Variants in P2RY12 observed in about 807,000 individuals in gnomAD.
P2RY12 encodes the protein purinergic receptor P2Y12, also known as P2Y purinoceptor 12.
Under a neutral mutation model 4.5 loss-of-function variants are expected in P2RY12, and 3 were observed. The ratio of observed to expected loss-of-function variants is 0.67; its 90% CI spans 0.31 to 1.74. P2RY12 has a LOEUF of 1.74. P2RY12 is among the 40% of genes most tolerant of loss of function. The probability of loss-of-function intolerance (pLI) is 0.09; values close to 1 mark genes in which losing one functional copy is unlikely to be tolerated. For synonymous variants in P2RY12, 148 were observed against 154.1 expected (o/e 0.96, Z 0.29); for missense variants, 356 against 407.8 (o/e 0.87, Z 1.09).
chr3:151,345,634 C>T (rs1752440757), intron 1 of P2RY12, among the ~76,000 whole-genome samples: 1 of 151,278 alleles, frequency 6.6e-6, no homozygotes, highest in Non-Finnish European at 1.5e-5. Context: ...TTTCCTGCCT[C>T]AGCCTCCCGA....
intron 1 of P2RY12, chr3:151,376,339 C>A: frequency 1.3e-6 from 1 of 765,818 alleles, no homozygotes; most frequent in Non-Finnish European, 1.9e-6. Flanking sequence ...TATTCCCACA[C>A]ATTTTCTGTG....
At chr3:151,352,037 A>G (rs578002136) in intron 1 of P2RY12, among the ~76,000 whole-genome samples, 17 of 152,338 alleles carry the variant, frequency 1.1e-4, no homozygotes, top group Admixed American at 4.6e-4. Context: ...ATAGTTTCAC[A>G]TTTTTGAATA....
chr3:151,374,259 A>G (rs888907192), intron 1 of P2RY12, among the ~76,000 whole-genome samples: 1 of 152,236 alleles, frequency 6.6e-6, no homozygotes, highest in South Asian at 2.1e-4. Context: ...TCAAAAATGT[A>G]CACTAGGCTA....
At chr3:151,346,355 G>T (rs1320742774) in intron 1 of P2RY12, among the ~76,000 whole-genome samples, 3 of 152,088 alleles carry the variant, frequency 2.0e-5, no homozygotes, top group Non-Finnish European at 4.4e-5. Flanking sequence ...GTCTTTTGAT[G>T]ATCTTCATAA....
intron 1 of P2RY12, among the ~76,000 whole-genome samples, chr3:151,378,585 T>TA (rs1267849633): frequency 3.3e-5 from 5 of 152,104 alleles, no homozygotes; most frequent in Non-Finnish European, 7.4e-5. Flanking sequence ...GCTCATATTT[T>TA]TAACATTTAG....
At chr3:151,341,571 T>C (rs921866218) in intron 1 of P2RY12, among the ~76,000 whole-genome samples, 2 of 151,190 alleles carry the variant, frequency 1.3e-5, no homozygotes, top group African/African-American at 4.9e-5. Flanking sequence ...TTTAACTTTT[T>C]TTTTTTAATT....
intron 1 of P2RY12, chr3:151,360,679 A>C (rs912361210): frequency 2.2e-6 from 3 of 1,346,816 alleles, no homozygotes; most frequent in Admixed American, 2.3e-5. Flanking sequence ...CAATATTGTC[A>C]TCCTTTTGAA....
At chr3:151,357,447 G>A in intron 1 of P2RY12, 1 of 1,354,974 alleles carries the variant, frequency 7.4e-7, no homozygotes, top group Non-Finnish European at 9.9e-7. Flanking sequence ...ATATTATAGT[G>A]GCTTTAAAAG....
intron 1 of P2RY12, chr3:151,364,958 CT>C (rs747351253): frequency 3.2e-6 from 5 of 1,559,860 alleles, no homozygotes; most frequent in Non-Finnish European, 4.4e-6. Flanking sequence ...TCTGTTTTAA[CT>C]TTTTTTCTTA....
intron 1 of P2RY12, among the ~76,000 whole-genome samples, chr3:151,345,561 A>C (rs1375970326): frequency 2.2e-5 from 3 of 133,850 alleles, no homozygotes; most frequent in Non-Finnish European, 4.6e-5. Flanking sequence ...CTTGTCACCC[A>C]GGCTGGAGTG....
At chr3:151,350,332 T>A in intron 1 of P2RY12, 1 of 790,574 alleles carries the variant, frequency 1.3e-6, no homozygotes, top group Non-Finnish European at 1.9e-6. Context: ...ACTCTCACAT[T>A]GAAATGTGAA....
In P2RY12 at chr3:151,337,771, G is replaced by C. The variant is rs751585775; in HGVS notation, c.*46C>G. ...TTTTTACTTAGCGCTTTGCTTTAAC[G>C]AGTTCTGAACACAAAGAGATTGAAA... is the stretch of plus-strand genomic sequence containing the variant. On this transcript the variant is annotated 3_prime_UTR_variant, in exon 3 of 3. Transcript: ENST00000302632. 1.3e-6 allele frequency: 2 copies of C among 1,580,854 alleles called. No individual in the cohort carries two copies. Among genetic ancestry groups the C allele is most frequent in the Non-Finnish European group, 1.7e-6 (2 of 1,152,194 alleles).
At position 151,338,552 on chromosome 3, in the gene P2RY12, T is replaced by C; in HGVS notation, c.294A>G (p.Gln98=). 1 of 1,614,010 alleles carries C rather than the reference T, an allele frequency of 6.2e-7. No homozygotes were observed. The highest frequency in any genetic ancestry group is 8.5e-7 in the Non-Finnish European group (1 of 1,179,978). Residue 98 remains glutamine, a synonymous_variant, in exon 3 of 3, where the codon CAA becomes CAG. Transcript: ENST00000302632. ...TGAAATAAAATATGACGGAGGTAAC[T>C]TGACACACAAAAGTTCTCAGTGGTC... is the stretch of plus-strand genomic sequence containing the variant. ...GTGPLRTFVC[Q]VTSVIFYFTM... is the part of the protein sequence containing the mutation.
chr3:151,364,890 C>A, intron 1 of P2RY12: 3 of 901,604 alleles, frequency 3.3e-6, no homozygotes, highest in South Asian at 1.5e-5. Context: ...CATTACAGTT[C>A]CTGCCATTTA....
At chr3:151,360,376 C>T in intron 1 of P2RY12, 3 of 1,106,446 alleles carry the variant, frequency 2.7e-6, no homozygotes, top group Admixed American at 4.7e-5. Context: ...TATCCTTTTT[C>T]TTACCCAAGT....
At chr3:151,352,027 A>G (rs558220798) in intron 1 of P2RY12, among the ~76,000 whole-genome samples, 6 of 152,298 alleles carry the variant, frequency 3.9e-5, no homozygotes, top group Admixed American at 1.3e-4. Flanking sequence ...TGGATTTTGG[A>G]TAGTTTCACA....
chr3:151,350,284 CTA>C, intron 1 of P2RY12: 1 of 1,411,740 alleles, frequency 7.1e-7, no homozygotes, highest in East Asian at 2.3e-5. Flanking sequence ...TCAAAGTGTT[CTA>C]TGTCACTGTC....
chr3:151,338,472 T>A lies in P2RY12; in HGVS notation c.374A>T (p.Lys125Met). ...GGATGTTTTAAATGGCCTGGTGGTC[T>A]TCTGGTAGCGATCGATAGTTATCAG... is the stretch of plus-strand genomic sequence containing the variant. ...LGLITIDRYQKTTRPFKTSNP... is the reference protein window; with the variant it reads ...LGLITIDRYQMTTRPFKTSNP... The change falls in exon 3 of 3, where the codon AAG (lysine) becomes ATG (methionine). Residue 125 changes from lysine to methionine, a missense_variant. Lys to Met is a moderately conservative substitution (Grantham distance 95). Transcript: ENST00000302632. 1 of 1,614,006 alleles carries A rather than the reference T, an allele frequency of 6.2e-7. No homozygotes were observed. The highest frequency in any genetic ancestry group is 8.5e-7 in the Non-Finnish European group (1 of 1,179,996).
chr3:151,368,667 T>TCATG (rs1560087272), intron 1 of P2RY12, among the ~76,000 whole-genome samples: 28 of 58,142 alleles, frequency 4.8e-4, no homozygotes, highest in Admixed American at 3.2e-3. Flanking sequence ...TTCATTTCAT[T>TCATG]TCATTTCATG....
Sources: gnomAD v4.1 joint callset for allele counts (sites outside exome capture counted in the v4.1 genomes callset) on GRCh38, gnomAD v4.1.1 for gene constraint, MANE v1.5 for transcripts, NCBI Gene and HGNC (gene_info 2026-07-23, HGNC 2026-07-21) for gene names.